Variants in ZNRF3 observed in about 807,000 individuals in gnomAD.
The protein encoded by ZNRF3 is E3 ubiquitin-protein ligase ZNRF3.
Under a neutral mutation model 72.5 loss-of-function variants are expected in ZNRF3, and 23 were observed. The ratio of observed to expected loss-of-function variants is 0.32; its 90% CI spans 0.23 to 0.45. The LOEUF is 0.45. ZNRF3 is among the 20% of genes least tolerant of loss of function. ZNRF3 has a pLI of 1.00. For synonymous variants in ZNRF3, 610 were observed against 545.3 expected (o/e 1.12, Z -1.65); for missense variants, 1,169 against 1,272.1 (o/e 0.92, Z 1.23).
intron 2 of ZNRF3, among the ~76,000 whole-genome samples, chr22:29,037,085 C>T (rs2036880056): frequency 1.3e-5 from 2 of 152,188 alleles, no homozygotes; most frequent in Non-Finnish European, 2.9e-5. Flanking sequence ...CCTATTAAGA[C>T]TGTATTCTGT....
At chr22:28,896,220 C>T (rs944420496) in intron 1 of ZNRF3, among the ~76,000 whole-genome samples, 3 of 152,182 alleles carry the variant, frequency 2.0e-5, no homozygotes, top group Non-Finnish European at 2.9e-5. Context: ...CTGCAACCTC[C>T]GCCTCCCGGG....
chr22:28,961,661 T>C (rs2035361676), intron 1 of ZNRF3, among the ~76,000 whole-genome samples: 1 of 152,290 alleles, frequency 6.6e-6, no homozygotes, highest in East Asian at 1.9e-4. Context: ...CCAACAACTC[T>C]GTGAATTAGA....
At chr22:28,973,864 A>G (rs576820682) in intron 1 of ZNRF3, among the ~76,000 whole-genome samples, 1 of 152,298 alleles carries the variant, frequency 6.6e-6, no homozygotes, top group African/African-American at 2.4e-5. Flanking sequence ...TCAAGGTTAC[A>G]AAAAACCAAT....
intron 2 of ZNRF3, chr22:29,018,092 G>C (rs570464414): frequency 3.9e-6 from 2 of 517,980 alleles, no homozygotes; most frequent in East Asian, 1.1e-4. Context: ...GAGGGCGGAC[G>C]GGCAGACCGG....
At chr22:28,902,730 C>G (rs1307492808) in intron 1 of ZNRF3, among the ~76,000 whole-genome samples, 2 of 152,150 alleles carry the variant, frequency 1.3e-5, no homozygotes, top group East Asian at 1.9e-4. Context: ...GTTTCTGCAT[C>G]TGTAAAATGG....
chr22:28,983,436 C>G (rs1429468361), intron 1 of ZNRF3, among the ~76,000 whole-genome samples: 2 of 152,212 alleles, frequency 1.3e-5, no homozygotes, highest in Non-Finnish European at 2.9e-5. Flanking sequence ...AGAGAGTAAG[C>G]CTCTGGCCTG....
At chr22:29,043,153 C>T (rs1416839116) in intron 3 of ZNRF3, 146 bp from the exon 4 acceptor site, 7 of 886,720 alleles carry the variant, frequency 7.9e-6, no homozygotes, top group African/African-American at 1.7e-5. Context: ...CAGCCTTGCT[C>T]TTCTGGGAGC....
intron 1 of ZNRF3, among the ~76,000 whole-genome samples, chr22:28,961,636 C>T (rs532468521): frequency 6.6e-6 from 1 of 152,174 alleles, no homozygotes; most frequent in Admixed American, 6.5e-5. Context: ...CTTTAGTCTA[C>T]TTTACCTTTT....
chr22:28,910,488 A>G (rs1045013586), intron 1 of ZNRF3, among the ~76,000 whole-genome samples: 13 of 152,254 alleles, frequency 8.5e-5, no homozygotes, highest in Non-Finnish European at 1.5e-5. Flanking sequence ...TGAGGTCTGC[A>G]ACAGGCTTTG....
intron 1 of ZNRF3, among the ~76,000 whole-genome samples, chr22:28,961,938 G>C (rs8140511): frequency 0.046 from 6,968 of 152,204 alleles, 406 homozygotes; most frequent in African/African-American, 0.13. Flanking sequence ...TTCCTCAGTA[G>C]CATCAAACAT....
At chr22:28,886,073 A>G (rs2033781098) in intron 1 of ZNRF3, among the ~76,000 whole-genome samples, 1 of 152,200 alleles carries the variant, frequency 6.6e-6, no homozygotes, top group Non-Finnish European at 1.5e-5. Flanking sequence ...AGCTGTCTGA[A>G]TAGTCATTTC....
At chr22:28,890,125 T>C (rs951536991) in intron 1 of ZNRF3, among the ~76,000 whole-genome samples, 3 of 152,250 alleles carry the variant, frequency 2.0e-5, no homozygotes, top group African/African-American at 7.2e-5. Context: ...TTGATTGTTA[T>C]TTCCAGAAAC....
At chr22:29,051,271 C>T (rs1320985675) in intron 8 of ZNRF3, among the ~76,000 whole-genome samples, 2 of 152,162 alleles carry the variant, frequency 1.3e-5, no homozygotes, top group African/African-American at 2.4e-5. Context: ...GGGGTAGTGG[C>T]TCATGCCTCT....
chr22:28,962,524 C>G (rs896370271), intron 1 of ZNRF3, among the ~76,000 whole-genome samples: 2 of 152,212 alleles, frequency 1.3e-5, no homozygotes, highest in African/African-American at 4.8e-5. Flanking sequence ...TATACTGACT[C>G]TCGTAGAGGT....
chr22:28,906,054 G>A (rs1949289538), intron 1 of ZNRF3, among the ~76,000 whole-genome samples: 1 of 152,238 alleles, frequency 6.6e-6, no homozygotes, highest in South Asian at 2.1e-4. Flanking sequence ...GCTAAGCATG[G>A]TGGCTCACGC....
At chr22:29,003,843 G>A (rs1030336544) in intron 2 of ZNRF3, among the ~76,000 whole-genome samples, 1 of 152,080 alleles carries the variant, frequency 6.6e-6, no homozygotes, top group East Asian at 1.9e-4. Flanking sequence ...AAAAAAAGAA[G>A]TGACTGAATT....
chr22:28,923,978 G>C lies in ZNRF3; in HGVS notation c.300+39912G>C, dbSNP rs142511446. 6.8e-3 allele frequency among the ~76,000 whole-genome samples: 1,043 copies of C among 152,388 alleles called. 6 individuals are homozygous for C. The highest frequency in any genetic ancestry group is 1.0e-2 in the Non-Finnish European group (679 of 68,038). ...TGATCTCGGATCCCGCGTGGGCGCT[G>C]TGATGGTATCGGCTTTGCCCCGGGC... On this transcript the variant is annotated intron_variant, in intron 1 of 8. Coordinates refer to ENST00000544604, the MANE Select transcript of ZNRF3 (RefSeq NM_001206998.2).
intron 1 of ZNRF3, among the ~76,000 whole-genome samples, chr22:28,956,129 C>G (rs2035256412): frequency 6.6e-6 from 1 of 152,072 alleles, no homozygotes; most frequent in Admixed American, 6.6e-5. Flanking sequence ...TCTGGCCTGG[C>G]AGATGTCACC....
chr22:28,952,905 C>G (rs1312080787), intron 1 of ZNRF3, among the ~76,000 whole-genome samples: 2 of 152,152 alleles, frequency 1.3e-5, no homozygotes, highest in Non-Finnish European at 1.5e-5. Context: ...ACTATTAGGT[C>G]TTTTGAGTTA....
Sources: gnomAD v4.1 joint callset for allele counts (sites outside exome capture counted in the v4.1 genomes callset) on GRCh38, gnomAD v4.1.1 for gene constraint, MANE v1.5 for transcripts, NCBI Gene and HGNC (gene_info 2026-07-23, HGNC 2026-07-21) for gene names.